Variants in RPA3 observed in about 807,000 individuals in gnomAD.
RPA3 encodes replication protein A3, also known as replication protein A 14 kDa subunit.
RPA3 carries 24 observed loss-of-function variants against 13.7 expected under a neutral mutation model. The observed-to-expected ratio is 1.75, with a 90% CI of 1.27 to 2.46. The LOEUF (loss-of-function observed/expected upper bound fraction) is 2.46, where lower values mean the gene tolerates loss of function less well. RPA3 is among the 30% of genes most tolerant of loss of function. RPA3 has a pLI of 0.00. For synonymous variants in RPA3, 59 were observed against 51.2 expected (o/e 1.15, Z -0.65); for missense variants, 183 against 151.0 (o/e 1.21, Z -1.11).
intron 4 of RPA3, among the ~76,000 whole-genome samples, chr7:7,667,505 G>A (rs1779495398): frequency 6.6e-6 from 1 of 152,266 alleles, no homozygotes; most frequent in Admixed American, 6.5e-5. Flanking sequence ...AATATGATGG[G>A]CAGAGGTTGC....
chr7:7,657,565 A>G (rs1316924428), intron 4 of RPA3, among the ~76,000 whole-genome samples: 1 of 152,176 alleles, frequency 6.6e-6, no homozygotes, highest in Non-Finnish European at 1.5e-5. Flanking sequence ...TTTATTACAT[A>G]GGGAGTCCCT....
intron 6 of RPA3, 93 bp downstream of exon 6, chr7:7,638,977 T>C: frequency 1.1e-6 from 1 of 951,124 alleles, no homozygotes; most frequent in Non-Finnish European, 1.5e-6. Flanking sequence ...CCTTTTTAAA[T>C]CCATTGCAAA....
chr7:7,673,568 G>T, intron 4 of RPA3: 1 of 626,734 alleles, frequency 1.6e-6, no homozygotes, highest in Admixed American at 2.8e-5. Context: ...ATTAATTTAT[G>T]TGTTTAATTT....
In RPA3 at chr7:7,636,967, G is replaced by C. The variant is rs370531764; in HGVS notation, c.*33C>G. The C allele has an allele frequency of 4.9e-6, 7 of 1,439,602 alleles. No homozygotes were observed. In the African/African-American group the frequency reaches 5.6e-5, roughly 12 times the overall value. 89.2% of individuals were successfully genotyped at this position (1,439,602 alleles called of 1,614,324 possible). On this transcript the variant is annotated 3_prime_UTR_variant, in exon 8 of 8. Coordinates refer to ENST00000223129, the MANE Select transcript of RPA3 (RefSeq NM_002947.5). ...GCTTCCTTTAATAGACTTTAATATA[G>C]CTCATTTACAATCGTATGAAAATCC...
At chr7:7,657,385 C>T (rs1785368948) in intron 4 of RPA3, among the ~76,000 whole-genome samples, 1 of 152,164 alleles carries the variant, frequency 6.6e-6, no homozygotes, top group African/African-American at 2.4e-5. Context: ...GAAGTCTTTG[C>T]CCATGCCTAT....
chr7:7,658,013 G>C (rs1785383537), intron 4 of RPA3, among the ~76,000 whole-genome samples: 1 of 152,116 alleles, frequency 6.6e-6, no homozygotes, highest in South Asian at 2.1e-4. Context: ...AATTCTTCTT[G>C]AAGAGGTCCT....
intron 4 of RPA3, among the ~76,000 whole-genome samples, chr7:7,680,904 C>G (rs1779892857): frequency 6.6e-6 from 1 of 151,800 alleles, no homozygotes; most frequent in Non-Finnish European, 1.5e-5. Context: ...ATGCCGTAAC[C>G]TTACTGAATT....
intron 3 of RPA3, among the ~76,000 whole-genome samples, chr7:7,686,906 C>T (rs1024242028): frequency 3.3e-5 from 5 of 152,200 alleles, no homozygotes; most frequent in African/African-American, 9.7e-5. Flanking sequence ...CCCCCACTTC[C>T]CTTATCCTGG....
At chr7:7,682,079 C>G (rs1049641562) in intron 4 of RPA3, among the ~76,000 whole-genome samples, 2 of 152,072 alleles carry the variant, frequency 1.3e-5, no homozygotes, top group African/African-American at 4.8e-5. Flanking sequence ...TGGGCAAACA[C>G]TATTGTAGAG....
At chr7:7,675,119 C>T (rs1012812282) in intron 4 of RPA3, among the ~76,000 whole-genome samples, 1 of 151,684 alleles carries the variant, frequency 6.6e-6, no homozygotes, top group Non-Finnish European at 1.5e-5. Flanking sequence ...CCTGCCTCGG[C>T]CCCCCAAAGT....
chr7:7,681,038 G>T, intron 4 of RPA3, among the ~76,000 whole-genome samples: 1 of 151,914 alleles, frequency 6.6e-6, no homozygotes, highest in East Asian at 1.9e-4. Context: ...AATATATTTT[G>T]TTGGTTTGTG....
At chr7:7,657,717 T>C (rs1785376588) in intron 4 of RPA3, among the ~76,000 whole-genome samples, 1 of 152,222 alleles carries the variant, frequency 6.6e-6, no homozygotes, top group Admixed American at 6.5e-5. Context: ...TACTGTAGTC[T>C]TGTAGTATAG....
intron 4 of RPA3, among the ~76,000 whole-genome samples, chr7:7,663,298 C>CTTTG (rs59932473): frequency 6.6e-6 from 1 of 151,442 alleles, no homozygotes; most frequent in Non-Finnish European, 1.5e-5. Flanking sequence ...CTTTGTTTTT[C>CTTTG]TTTCATTTTT....
chr7:7,681,566 T>C (rs1779913171), intron 4 of RPA3, among the ~76,000 whole-genome samples: 1 of 152,208 alleles, frequency 6.6e-6, no homozygotes, highest in Non-Finnish European at 1.5e-5. Context: ...AACCAGTTCC[T>C]ATTCACGTAA....
intron 4 of RPA3, chr7:7,673,197 A>G (rs551833066): frequency 2.7e-6 from 2 of 749,942 alleles, no homozygotes; most frequent in South Asian, 1.5e-5. Context: ...ATGTGGCCAT[A>G]GAATTCCTAA....
chr7:7,672,398 T>C (rs1451393783), intron 4 of RPA3, among the ~76,000 whole-genome samples: 1 of 152,166 alleles, frequency 6.6e-6, no homozygotes, highest in Non-Finnish European at 1.5e-5. Context: ...GTATGAGGGA[T>C]GGTCACAATA....
intron 2 of RPA3, among the ~76,000 whole-genome samples, chr7:7,695,476 T>A (rs538549176): frequency 6.6e-6 from 1 of 152,360 alleles, no homozygotes; most frequent in East Asian, 1.9e-4. Flanking sequence ...TAATTTTTAT[T>A]ACATGTTTCT....
At chr7:7,652,777 T>G (rs1785252008) in intron 4 of RPA3, among the ~76,000 whole-genome samples, 1 of 152,220 alleles carries the variant, frequency 6.6e-6, no homozygotes, top group Admixed American at 6.5e-5. Context: ...AAAAGAAGTT[T>G]GTTCTTCAAT....
At chr7:7,646,382 A>G (rs1401938061) in intron 4 of RPA3, among the ~76,000 whole-genome samples, 1 of 151,958 alleles carries the variant, frequency 6.6e-6, no homozygotes, top group Admixed American at 6.6e-5. Context: ...ATGAGAGATA[A>G]CTGAATCATG....
Sources: allele counts gnomAD v4.1 joint callset (sites outside exome capture counted in the v4.1 genomes callset), GRCh38; gene constraint gnomAD v4.1.1; transcripts MANE v1.5; gene names NCBI Gene and HGNC (gene_info 2026-07-23, HGNC 2026-07-21).